SHANK2: variants seen among roughly 807,000 people sequenced by gnomAD.
The protein encoded by SHANK2 is SH3 and multiple ankyrin repeat domains 2, also known as SH3 and multiple ankyrin repeat domains protein 2.
In SHANK2, 43 loss-of-function variants were observed where a neutral mutation model predicts 133.7. That is an observed-to-expected ratio of 0.32 (90% CI 0.25 to 0.41). The LOEUF is 0.41. SHANK2 is among the 10% of genes least tolerant of loss of function. The pLI, the probability that SHANK2 is intolerant of heterozygous loss-of-function variation, is 1.00. For synonymous variants in SHANK2, 1,017 were observed against 952.8 expected (o/e 1.07, Z -1.24); for missense variants, 1,994 against 2,235.8 (o/e 0.89, Z 2.18).
chr11:71,217,642 G>A lies in SHANK2; in HGVS notation c.-13+7055C>T, dbSNP rs369319259. 2.6e-5 allele frequency among the ~76,000 whole-genome samples: 4 copies of A among 152,314 alleles called. No homozygotes were observed. The East Asian group carries it at 7.7e-4, about 29-fold the overall frequency. On this transcript the variant is annotated intron_variant, in intron 2 of 25. Coordinates refer to ENST00000601538, the MANE Select transcript of SHANK2 (RefSeq NM_012309.5). ...ACCTTCCAGTGGGACGAGATGCAGA[G>A]GTGAAAGACAATGGTATTGAATATC...
At chr11:71,063,327 C>T (rs1951010482) in intron 9 of SHANK2, among the ~76,000 whole-genome samples, 2 of 152,184 alleles carry the variant, frequency 1.3e-5, no homozygotes, top group Non-Finnish European at 2.9e-5. Flanking sequence ...TCAAAAAGAG[C>T]TCAGGTTCCA....
At chr11:71,230,593 G>A (rs1375470181) in intron 1 of SHANK2, among the ~76,000 whole-genome samples, 3 of 151,526 alleles carry the variant, frequency 2.0e-5, no homozygotes, top group Non-Finnish European at 2.9e-5. Context: ...AAAGTATATG[G>A]AAAGGCAAAA....
intron 8 of SHANK2, among the ~76,000 whole-genome samples, chr11:71,086,691 C>T (rs1951424560): frequency 6.6e-6 from 1 of 151,658 alleles, no homozygotes; most frequent in Non-Finnish European, 1.5e-5. Context: ...GGACTTGAGA[C>T]CCGCACTGTG....
chr11:71,109,093 G>C (rs1039799432), intron 6 of SHANK2, among the ~76,000 whole-genome samples: 1 of 152,198 alleles, frequency 6.6e-6, no homozygotes, highest in Admixed American at 6.5e-5. Context: ...CCAGAAGCAG[G>C]GCTGGCACAC....
At chr11:71,065,504 G>A (rs1205130735) in intron 9 of SHANK2, among the ~76,000 whole-genome samples, 1 of 142,480 alleles carries the variant, frequency 7.0e-6, no homozygotes, top group Admixed American at 7.0e-5. Flanking sequence ...AGTGAGTGGG[G>A]AAGTTGGGGT....
intron 14 of SHANK2, among the ~76,000 whole-genome samples, chr11:70,724,429 T>C (rs1946136356): frequency 3.3e-5 from 5 of 152,180 alleles, no homozygotes; most frequent in Admixed American, 3.3e-4. Context: ...TGCATGTGCC[T>C]GTGGCCATAG....
At chr11:71,165,637 G>C (rs1272457973) in intron 2 of SHANK2, among the ~76,000 whole-genome samples, 1 of 152,174 alleles carries the variant, frequency 6.6e-6, no homozygotes, top group Non-Finnish European at 1.5e-5. Context: ...TTCCTCCTGG[G>C]AACTTCTCAG....
chr11:70,842,687 G>A (rs528814093), intron 11 of SHANK2, among the ~76,000 whole-genome samples: 3 of 152,332 alleles, frequency 2.0e-5, no homozygotes, highest in Admixed American at 6.5e-5. Flanking sequence ...GGATTCTCGT[G>A]CAGCTTAAAT....
rs551142796 is a variant in SHANK2 at position 70,492,668 on chromosome 11, A to T, written c.2309-203T>A. On this transcript the variant is annotated intron_variant, in intron 21 of 25. Transcript: ENST00000601538. The stretch of plus-strand genomic sequence containing the variant: ...CTCCTTCCCAGGACCTTGCCCTCGG[A>T]GGCATGCACGAGGCATGGACATAGA... 2.6e-5 allele frequency among the ~76,000 whole-genome samples: 4 copies of T among 151,906 alleles called. 1 individual carries two copies. Among genetic ancestry groups the T allele is most frequent in the African/African-American group, 9.7e-5 (4 of 41,428 alleles).
chr11:70,584,772 C>T lies in SHANK2; in HGVS notation c.2061+75056G>A, dbSNP rs562152599. ...CTGGGAAGAGTGAGTTAGCAGCTGT[C>T]CCCCTGATCCGTTGGTCTCGCCATA... On this transcript the variant is annotated intron_variant, in intron 17 of 25. Coordinates refer to ENST00000601538, the MANE Select transcript of SHANK2 (RefSeq NM_012309.5). Among the ~76,000 whole-genome samples, 7 of 152,216 alleles carry T rather than the reference C, an allele frequency of 4.6e-5. No homozygotes were observed. The East Asian group carries it at 1.3e-3, about 29-fold the overall frequency.
At chr11:70,862,568 G>A (rs1162338131) in intron 11 of SHANK2, among the ~76,000 whole-genome samples, 3 of 151,812 alleles carry the variant, frequency 2.0e-5, no homozygotes. Context: ...TGGACTGGCT[G>A]ATGGACTGGA....
In SHANK2 at chr11:70,473,512, A is replaced by C; in HGVS notation, c.4980-73T>G. ...CAGGGCAGCTGGCTGCAGATCACCC[A>C]GGAAGGCGAGGGAGACGCCCAAACC... On this transcript the variant is annotated intron_variant, in intron 25 of 25. Transcript: ENST00000601538. This position sits in a 1 kb window ranked among gnomAD's most constrained non-coding sequence, Gnocchi z 5.9. 1 of 1,479,140 alleles carries C rather than the reference A, an allele frequency of 6.8e-7. No individual in the cohort carries two copies. Among genetic ancestry groups the C allele is most frequent in the Non-Finnish European group, 9.3e-7 (1 of 1,076,624 alleles). 91.6% of individuals were successfully genotyped at this position (1,479,140 alleles called of 1,614,324 possible). A position where few individuals can be genotyped will look rare whatever the true frequency, so the allele number is the denominator to read the frequency against.
intron 10 of SHANK2, among the ~76,000 whole-genome samples, chr11:70,927,978 A>G (rs1388421458): frequency 6.6e-6 from 1 of 152,192 alleles, no homozygotes; most frequent in East Asian, 1.9e-4. Context: ...TGGTTTGCAG[A>G]TGGCAGATTG....
intron 17 of SHANK2, among the ~76,000 whole-genome samples, chr11:70,530,616 C>A (rs547194359): frequency 2.0e-5 from 3 of 152,038 alleles, no homozygotes; most frequent in Non-Finnish European, 4.4e-5. Context: ...TCATGCTCAG[C>A]GAAATAAGCC....
chr11:70,614,275 A>G (rs1334205229), intron 17 of SHANK2, among the ~76,000 whole-genome samples: 1 of 151,198 alleles, frequency 6.6e-6, no homozygotes, highest in Non-Finnish European at 1.5e-5. Flanking sequence ...CCAATGACAC[A>G]GTAAAAGTTT....
At chr11:70,835,312 G>A (rs1346346232) in intron 11 of SHANK2, among the ~76,000 whole-genome samples, 3 of 152,228 alleles carry the variant, frequency 2.0e-5, no homozygotes, top group Non-Finnish European at 4.4e-5. Flanking sequence ...GCCTCCCACA[G>A]GGGAAAATGA....
At chr11:71,162,960 C>T (rs1953049989) in intron 2 of SHANK2, among the ~76,000 whole-genome samples, 1 of 150,808 alleles carries the variant, frequency 6.6e-6, no homozygotes, top group African/African-American at 2.4e-5. Flanking sequence ...GTAGTCCCAG[C>T]CACTCGGGAG....
At chr11:70,624,829 C>A (rs1393944233) in intron 17 of SHANK2, among the ~76,000 whole-genome samples, 1 of 152,212 alleles carries the variant, frequency 6.6e-6, no homozygotes, top group African/African-American at 2.4e-5. Flanking sequence ...AGTTCCACAC[C>A]TGGCAGGGCG....
Position 70,487,803 on chromosome 11 carries a change from C to T in SHANK2, c.2573-83G>A. ...TAGGAACGTGCGATACGCTACATCTCCACAAACTCACAAATTCAGATGATG... is the reference window on the plus strand; with the variant it reads ...TAGGAACGTGCGATACGCTACATCTTCACAAACTCACAAATTCAGATGATG... On this transcript the variant is annotated intron_variant, in intron 24 of 25. Transcript: ENST00000601538. This position sits in a 1 kb window ranked among gnomAD's most constrained non-coding sequence, Gnocchi z 5.8. 6.5e-7 allele frequency: 1 copy of T among 1,548,376 alleles called. No individual in the cohort carries two copies. The highest frequency in any genetic ancestry group is 8.7e-7 in the Non-Finnish European group (1 of 1,146,490).
Sources: gnomAD v4.1 joint callset for allele counts (sites outside exome capture counted in the v4.1 genomes callset) on GRCh38, gnomAD v4.1.1 for gene constraint, Gnocchi (gnomAD v3.1) non-coding constraint, MANE v1.5 for transcripts, NCBI Gene and HGNC (gene_info 2026-07-23, HGNC 2026-07-21) for gene names.